DNAJC1: variants seen among roughly 807,000 people sequenced by gnomAD.
DNAJC1 encodes DnaJ heat shock protein family (Hsp40) member C1, also known as dnaJ homolog subfamily C member 1.
DNAJC1 carries 58 observed loss-of-function variants against 76.6 expected under a neutral mutation model. The observed-to-expected ratio is 0.76, with a 90% CI of 0.61 to 0.94. DNAJC1 has a LOEUF of 0.94. DNAJC1 is among the 40% of genes least tolerant of loss of function. The pLI, the probability that DNAJC1 is intolerant of heterozygous loss-of-function variation, is 0.00. For synonymous variants in DNAJC1, 258 were observed against 267.9 expected (o/e 0.96, Z 0.36); for missense variants, 689 against 677.3 (o/e 1.02, Z -0.19).
chr10:21,993,717 T>C (rs1325079898), intron 1 of DNAJC1, among the ~76,000 whole-genome samples: 1 of 152,204 alleles, frequency 6.6e-6, no homozygotes, highest in Non-Finnish European at 1.5e-5. Flanking sequence ...TCTCTAACAT[T>C]ATTCTAATTC....
At chr10:21,906,739 G>A (rs1836752477) in intron 6 of DNAJC1, among the ~76,000 whole-genome samples, 1 of 152,010 alleles carries the variant, frequency 6.6e-6, no homozygotes, top group African/African-American at 2.4e-5. Context: ...ACTTCTCTGT[G>A]GGTCCATTTT....
At chr10:21,912,265 G>T (rs983532229) in intron 6 of DNAJC1, among the ~76,000 whole-genome samples, 9 of 151,938 alleles carry the variant, frequency 5.9e-5, no homozygotes, top group Non-Finnish European at 1.0e-4. Context: ...TCACTTTGGG[G>T]AAATTGTTTC....
At chr10:21,766,553 C>T (rs1564781325) in intron 9 of DNAJC1, among the ~76,000 whole-genome samples, 1 of 152,192 alleles carries the variant, frequency 6.6e-6, no homozygotes, top group African/African-American at 2.4e-5. Flanking sequence ...GAACTCACAT[C>T]CCTAGACTCC....
At chr10:21,911,667 T>G (rs527254301) in intron 6 of DNAJC1, among the ~76,000 whole-genome samples, 4 of 152,306 alleles carry the variant, frequency 2.6e-5, no homozygotes, top group Non-Finnish European at 5.9e-5. Context: ...CCTAACTCAA[T>G]GTAAGAATCC....
chr10:21,759,732 G>C, intron 10 of DNAJC1, 114 bp from the exon 11 acceptor site: 2 of 895,342 alleles, frequency 2.2e-6, no homozygotes. Flanking sequence ...TTGCATGCAT[G>C]GTTTAATTTC....
chr10:21,890,976 A>T (rs1023735494), intron 7 of DNAJC1, among the ~76,000 whole-genome samples: 1 of 152,130 alleles, frequency 6.6e-6, no homozygotes, highest in South Asian at 2.1e-4. Context: ...AGATCACCTG[A>T]GGTCAGGAGT....
chr10:21,762,877 A>G (rs752875998), intron 10 of DNAJC1, among the ~76,000 whole-genome samples: 21 of 152,226 alleles, frequency 1.4e-4, no homozygotes, highest in Non-Finnish European at 1.5e-4. Context: ...TATAGGTCAC[A>G]TTGTTTTGGC....
At chr10:21,932,592 A>G (rs2131784803) in intron 1 of DNAJC1, among the ~76,000 whole-genome samples, 1 of 152,324 alleles carries the variant, frequency 6.6e-6, no homozygotes, top group Middle Eastern at 3.4e-3. Flanking sequence ...AAAGATGCCA[A>G]CCTAAGGCCT....
At chr10:21,957,436 T>C (rs1837708881) in intron 1 of DNAJC1, among the ~76,000 whole-genome samples, 1 of 152,186 alleles carries the variant, frequency 6.6e-6, no homozygotes, top group Non-Finnish European at 1.5e-5. Context: ...TGTCAGTATA[T>C]ATAAAAGTTT....
rs1835921818 is a variant in DNAJC1 at position 21,861,947 on chromosome 10, T to C, written c.978+20335A>G. Among the ~76,000 whole-genome samples, 3 of 152,008 alleles carry C rather than the reference T, an allele frequency of 2.0e-5. No individual in the cohort carries two copies. The South Asian group carries it at 6.2e-4, about 32-fold the overall frequency. On this transcript the variant is annotated intron_variant, in intron 8 of 11. Transcript: ENST00000376980. ...TATTTATTTATTTTGAGATGGAGTT[T>C]CCCTCTTGTTGCCCAGGCTAGAGTG...
intron 8 of DNAJC1, among the ~76,000 whole-genome samples, chr10:21,806,460 G>A (rs1834884604): frequency 6.6e-6 from 1 of 151,604 alleles, no homozygotes; most frequent in African/African-American, 2.4e-5. Context: ...ATAAAATGCA[G>A]TGCTGCTCAT....
At chr10:21,995,998 C>A (rs192211457) in intron 1 of DNAJC1, among the ~76,000 whole-genome samples, 3,648 of 152,202 alleles carry the variant, frequency 0.024, 50 homozygotes, top group Non-Finnish European at 0.033. Context: ...AACATGTAAT[C>A]ATATTTTTAC....
chr10:21,939,125 G>A (rs975223855), intron 1 of DNAJC1, among the ~76,000 whole-genome samples: 1 of 152,114 alleles, frequency 6.6e-6, no homozygotes, highest in Admixed American at 6.5e-5. Flanking sequence ...TCTTGACCTC[G>A]TGATTCACCT....
At chr10:21,813,255 T>G in intron 8 of DNAJC1, among the ~76,000 whole-genome samples, 1 of 133,852 alleles carries the variant, frequency 7.5e-6, no homozygotes, top group East Asian at 2.4e-4. Context: ...CACATACAGC[T>G]TCTGCCTTGC....
At chr10:21,917,783 T>A (rs773334673) in intron 6 of DNAJC1, among the ~76,000 whole-genome samples, 2 of 152,112 alleles carry the variant, frequency 1.3e-5, no homozygotes, top group East Asian at 3.9e-4. Flanking sequence ...ATGAACTATT[T>A]TGATGGAAGA....
intron 8 of DNAJC1, among the ~76,000 whole-genome samples, chr10:21,851,807 C>T (rs753689859): frequency 2.0e-5 from 3 of 152,076 alleles, no homozygotes; most frequent in Non-Finnish European, 4.4e-5. Context: ...GTAATCCCAG[C>T]ACTTTGGGAG....
chr10:21,830,415 T>C (rs1222091564), intron 8 of DNAJC1, among the ~76,000 whole-genome samples: 4 of 152,206 alleles, frequency 2.6e-5, no homozygotes, highest in African/African-American at 4.8e-5. Flanking sequence ...TTGAGGATAT[T>C]TTCCTACTTT....
At chr10:21,997,268 A>C (rs1220657895) in intron 1 of DNAJC1, among the ~76,000 whole-genome samples, 1 of 152,220 alleles carries the variant, frequency 6.6e-6, no homozygotes, top group Non-Finnish European at 1.5e-5. Flanking sequence ...CAAAAAACTG[A>C]GTGGACACAG....
chr10:21,776,891 A>G (rs1589976006), intron 9 of DNAJC1, among the ~76,000 whole-genome samples: 1 of 152,350 alleles, frequency 6.6e-6, no homozygotes, highest in South Asian at 2.1e-4. Flanking sequence ...TGAACACCGT[A>G]ACAACATAAC....
Sources: allele counts gnomAD v4.1 joint callset (sites outside exome capture counted in the v4.1 genomes callset), GRCh38; gene constraint gnomAD v4.1.1; transcripts MANE v1.5; gene names NCBI Gene and HGNC (gene_info 2026-07-23, HGNC 2026-07-21).